INPP4B: variants seen among roughly 807,000 people sequenced by gnomAD.
INPP4B encodes the protein inositol polyphosphate-4-phosphatase type II B.
A neutral mutation model predicts 122.5 loss-of-function variants in INPP4B; 55 were observed. The ratio of observed to expected loss-of-function variants is 0.45; its 90% CI spans 0.36 to 0.56. The LOEUF (loss-of-function observed/expected upper bound fraction) is 0.56. Among genes scored for constraint, INPP4B ranks in the 20% least tolerant of loss-of-function variants. The pLI is 0.00. For missense variants in INPP4B, 1,000 were observed against 1,097.7 expected (o/e 0.91, Z 1.26); for synonymous variants, 403 against 388.7 (o/e 1.04, Z -0.43).
At chr4:142,392,009 T>C (rs1158093091) in intron 7 of INPP4B, among the ~76,000 whole-genome samples, 1 of 152,220 alleles carries the variant, frequency 6.6e-6, no homozygotes, top group Non-Finnish European at 1.5e-5. Flanking sequence ...AAGCTTTTTA[T>C]GGTTCACTGA....
At chr4:142,707,874 C>T (rs984269573) in intron 2 of INPP4B, among the ~76,000 whole-genome samples, 6 of 152,156 alleles carry the variant, frequency 3.9e-5, no homozygotes, top group African/African-American at 1.4e-4. Context: ...GTTTAGAGGG[C>T]TCAGAAGAAG....
chr4:142,535,718 T>G (rs1444269256), intron 2 of INPP4B, among the ~76,000 whole-genome samples: 1 of 151,458 alleles, frequency 6.6e-6, no homozygotes, highest in Non-Finnish European at 1.5e-5. Context: ...AATCAATTAA[T>G]AATATGTGTG....
At chr4:142,728,467 G>A (rs1765617777) in intron 1 of INPP4B, among the ~76,000 whole-genome samples, 1 of 152,106 alleles carries the variant, frequency 6.6e-6, no homozygotes, top group South Asian at 2.1e-4. Flanking sequence ...ATCTTATTCA[G>A]AAAGAATCTT....
intron 11 of INPP4B, 82 bp from the exon 12 acceptor site, chr4:142,238,093 A>C (rs1198752230): frequency 1.2e-5 from 7 of 603,938 alleles, no homozygotes; most frequent in East Asian, 3.0e-5. Context: ...ACCATTAATC[A>C]AGATGGCATT....
intron 15 of INPP4B, among the ~76,000 whole-genome samples, chr4:142,174,297 T>C (rs941511929): frequency 6.6e-6 from 1 of 152,124 alleles, no homozygotes; most frequent in Non-Finnish European, 1.5e-5. Context: ...ATCTAAACCA[T>C]TCTATGAGGT....
chr4:142,079,793 C>T (rs1772884676), intron 25 of INPP4B, among the ~76,000 whole-genome samples: 1 of 151,944 alleles, frequency 6.6e-6, no homozygotes, highest in African/African-American at 2.4e-5. Flanking sequence ...AGGGAAGATA[C>T]TGCATTTGAA....
intron 11 of INPP4B, among the ~76,000 whole-genome samples, chr4:142,245,134 G>A (rs540306757): frequency 6.6e-6 from 1 of 152,218 alleles, no homozygotes; most frequent in South Asian, 2.1e-4. Context: ...TTTGTCAGAT[G>A]AATAGATTGC....
intron 18 of INPP4B, among the ~76,000 whole-genome samples, chr4:142,143,747 CA>C (rs1344031903): frequency 6.6e-6 from 1 of 151,880 alleles, no homozygotes; most frequent in Non-Finnish European, 1.5e-5. Flanking sequence ...CTTACAGAAT[CA>C]AAGATGCTTA....
At chr4:142,718,796 T>C (rs1764137751) in intron 2 of INPP4B, among the ~76,000 whole-genome samples, 1 of 152,202 alleles carries the variant, frequency 6.6e-6, no homozygotes. Context: ...TCCTTTTTAC[T>C]GGTAGTTCTA....
At chr4:142,299,270 T>TC (rs1760287268) in intron 9 of INPP4B, among the ~76,000 whole-genome samples, 6 of 151,436 alleles carry the variant, frequency 4.0e-5, no homozygotes, top group Non-Finnish European at 7.4e-5. Flanking sequence ...AAAGGGATCC[T>TC]CCAACCACAG....
chr4:142,052,853 A>G (rs1322909144), intron 25 of INPP4B, among the ~76,000 whole-genome samples: 4 of 152,020 alleles, frequency 2.6e-5, no homozygotes, highest in Non-Finnish European at 4.4e-5. Context: ...CAGCAATTCT[A>G]TATTTGCTTG....
chr4:142,763,117 C>A (rs1317700314), intron 1 of INPP4B, among the ~76,000 whole-genome samples: 1 of 152,180 alleles, frequency 6.6e-6, no homozygotes, highest in Non-Finnish European at 1.5e-5. Flanking sequence ...GTTATAGCCA[C>A]GTGAATGGAC....
At chr4:142,572,383 A>C (rs1733018275) in intron 2 of INPP4B, among the ~76,000 whole-genome samples, 1 of 152,096 alleles carries the variant, frequency 6.6e-6, no homozygotes, top group African/African-American at 2.4e-5. Flanking sequence ...AGAAGTGAGA[A>C]GTTACACTGA....
intron 1 of INPP4B, among the ~76,000 whole-genome samples, chr4:142,766,462 G>C (rs1005005601): frequency 3.3e-5 from 5 of 151,620 alleles, no homozygotes. Context: ...TTGGCTCACT[G>C]CAACCTCAAG....
intron 8 of INPP4B, among the ~76,000 whole-genome samples, chr4:142,307,364 ATAT>A (rs1331954376): frequency 2.7e-5 from 4 of 148,628 alleles, no homozygotes. Flanking sequence ...ACCACCTGAC[ATAT>A]TATATATTTA....
intron 2 of INPP4B, among the ~76,000 whole-genome samples, chr4:142,590,894 A>AC (rs568636632): frequency 2.3e-3 from 350 of 150,360 alleles, no homozygotes; most frequent in African/African-American, 7.9e-3. Flanking sequence ...AAAAAAAAAA[A>AC]AAAAAACAAA....
chr4:142,800,934 T>G (rs1221004064), intron 1 of INPP4B, among the ~76,000 whole-genome samples: 1 of 152,136 alleles, frequency 6.6e-6, no homozygotes, highest in Non-Finnish European at 1.5e-5. Context: ...TGAGAGTCCA[T>G]CTGTAGAGAA....
intron 17 of INPP4B, among the ~76,000 whole-genome samples, chr4:142,152,066 CTTTTTTTTTTTT>C (rs572092121): frequency 2.9e-5 from 2 of 69,954 alleles, no homozygotes; most frequent in African/African-American, 5.6e-5. Context: ...TTTGTCTTTT[CTTTTTTTTTTTT>C]TTTTTTTTTT....
intron 2 of INPP4B, among the ~76,000 whole-genome samples, chr4:142,678,840 GT>G (rs909037831): frequency 2.0e-5 from 3 of 150,180 alleles, no homozygotes; most frequent in Admixed American, 1.3e-4. Flanking sequence ...TTGTTGTGGT[GT>G]TTTTTTTTCC....
Sources: allele counts gnomAD v4.1 joint callset (sites outside exome capture counted in the v4.1 genomes callset), GRCh38; gene constraint gnomAD v4.1.1; transcripts MANE v1.5; gene names NCBI Gene and HGNC (gene_info 2026-07-23, HGNC 2026-07-21).